The following GOLIM4 variants were observed in gnomAD, a reference collection of about 807,000 sequenced individuals.
GOLIM4 encodes 130 kDa golgi-localized phosphoprotein.
A neutral mutation model predicts 107.4 loss-of-function variants in GOLIM4; 71 were observed. The ratio of observed to expected loss-of-function variants is 0.66; its 90% CI spans 0.55 to 0.81. The LOEUF (loss-of-function observed/expected upper bound fraction) is 0.81, where lower values mean the gene tolerates loss of function less well. Ranked by LOEUF, GOLIM4 falls within the 30% of genes least tolerant of loss-of-function variation. GOLIM4 has a pLI of 0.00. For synonymous variants in GOLIM4, 327 were observed against 294.8 expected (o/e 1.11, Z -1.12); for missense variants, 830 against 826.1 (o/e 1.00, Z -0.06).
At chr3:168,056,578 G>C (rs951793190) in intron 1 of GOLIM4, among the ~76,000 whole-genome samples, 3 of 152,222 alleles carry the variant, frequency 2.0e-5, no homozygotes, top group African/African-American at 7.2e-5. Context: ...CAAAGCCAAA[G>C]GGGCGGAGCT....
chr3:168,044,295 A>G (rs1393755733), intron 4 of GOLIM4, among the ~76,000 whole-genome samples: 1 of 152,248 alleles, frequency 6.6e-6, no homozygotes, highest in East Asian at 1.9e-4. Context: ...GCATAACTGC[A>G]TGCTGCCCGT....
intron 1 of GOLIM4, among the ~76,000 whole-genome samples, chr3:168,052,147 T>G (rs146975457): frequency 2.0e-5 from 3 of 152,216 alleles, no homozygotes; most frequent in African/African-American, 7.2e-5. Context: ...AATAGATGTA[T>G]CTCTTTGGCT....
intron 14 of GOLIM4, among the ~76,000 whole-genome samples, chr3:168,016,074 C>T (rs1353076621): frequency 7.4e-6 from 1 of 134,256 alleles, no homozygotes; most frequent in Non-Finnish European, 1.5e-5. Context: ...TTCTGCACAG[C>T]AAAACAAACT....
In GOLIM4 at chr3:168,011,090, C is replaced by T. The variant is rs527598622; in HGVS notation, c.1861-267G>A. Among the ~76,000 whole-genome samples, 571 of 152,222 alleles carry T rather than the reference C, an allele frequency of 3.8e-3. 4 individuals are homozygous for T. The highest frequency in any genetic ancestry group is 6.6e-3 in the African/African-American group (275 of 41,478). On this transcript the variant is annotated intron_variant, in intron 14 of 15. Coordinates refer to ENST00000470487, the MANE Select transcript of GOLIM4 (RefSeq NM_014498.5). ...TCCGGTCTACAGCTCCCAGTGTGAGCGACGCAGAAGACAGTGATTTCTGCA... is the reference window on the plus strand; with the variant it reads ...TCCGGTCTACAGCTCCCAGTGTGAGTGACGCAGAAGACAGTGATTTCTGCA...
Position 168,029,296 on chromosome 3 carries a change from T to C in GOLIM4, c.1440A>G (p.Gln480=). Reference sequence around the variant, plus strand: ...CATTATCCATAGCATCATAATGAGCTTGCTGCCTACAAGAGACACAAACAT... The same window carrying C: ...CATTATCCATAGCATCATAATGAGCCTGCTGCCTACAAGAGACACAAACAT... ...RPQHQEQLRQ[Q]AHYDAMDNDI... is the part of the protein sequence containing the mutation. The change falls in exon 11 of 16, where the codon CAA becomes CAG. Residue 480 remains glutamine, a synonymous_variant. Coordinates refer to ENST00000470487, the MANE Select transcript of GOLIM4 (RefSeq NM_014498.5). 6.2e-7 allele frequency: 1 copy of C among 1,602,666 alleles called. No individual in the cohort carries two copies. The highest frequency in any genetic ancestry group is 1.1e-5 in the South Asian group (1 of 89,464).
At chr3:168,057,180 A>C (rs564893347) in intron 1 of GOLIM4, among the ~76,000 whole-genome samples, 39 of 152,338 alleles carry the variant, frequency 2.6e-4, no homozygotes, top group African/African-American at 8.9e-4. Flanking sequence ...GTCTGCTGCC[A>C]TGTGAGACAT....
At chr3:168,076,552 G>A (rs904297011) in intron 1 of GOLIM4, among the ~76,000 whole-genome samples, 5 of 152,102 alleles carry the variant, frequency 3.3e-5, no homozygotes, top group Non-Finnish European at 5.9e-5. Context: ...TTAGCTGGGC[G>A]TCGTGGCGCA....
intron 2 of GOLIM4, among the ~76,000 whole-genome samples, chr3:168,047,792 C>G (rs1238850394): frequency 6.6e-6 from 1 of 152,142 alleles, no homozygotes; most frequent in Non-Finnish European, 1.5e-5. Context: ...ACTGAATCAA[C>G]TGATGTGTCA....
chr3:168,043,225 T>C (rs999013743), intron 5 of GOLIM4, among the ~76,000 whole-genome samples, 154 bp downstream of exon 5: 4 of 152,130 alleles, frequency 2.6e-5, no homozygotes, highest in Admixed American at 6.5e-5. Context: ...TAGATGAAGA[T>C]ACATGTGAAA....
chr3:168,028,442 CT>C (rs980264993), intron 11 of GOLIM4, among the ~76,000 whole-genome samples: 87 of 152,232 alleles, frequency 5.7e-4, no homozygotes, highest in African/African-American at 2.1e-3. Context: ...GAACAAATCA[CT>C]TTTTAAAACA....
At chr3:168,018,379 G>A (rs1717492611) in intron 14 of GOLIM4, among the ~76,000 whole-genome samples, 1 of 152,198 alleles carries the variant, frequency 6.6e-6, no homozygotes, top group African/African-American at 2.4e-5. Context: ...CCTGTCGAGA[G>A]CCTACAAAGG....
At chr3:168,049,496 G>A (rs1253772953) in intron 1 of GOLIM4, among the ~76,000 whole-genome samples, 1 of 152,100 alleles carries the variant, frequency 6.6e-6, no homozygotes, top group East Asian at 1.9e-4. Flanking sequence ...TCTACCCTTT[G>A]AATCCTGTTT....
At chr3:168,045,400 T>C (rs1208865546) in intron 3 of GOLIM4, among the ~76,000 whole-genome samples, 1 of 152,186 alleles carries the variant, frequency 6.6e-6, no homozygotes, top group Non-Finnish European at 1.5e-5. Context: ...AGGCTCTATT[T>C]TGCAGAGTGA....
At chr3:168,092,505 C>T (rs749615748) in intron 1 of GOLIM4, among the ~76,000 whole-genome samples, 3 of 152,154 alleles carry the variant, frequency 2.0e-5, no homozygotes, top group African/African-American at 7.2e-5. Context: ...GACCTAAATA[C>T]GCTCACTTAA....
In GOLIM4 at chr3:168,010,170, T is replaced by G; in HGVS notation, c.*99A>C. On this transcript the variant is annotated 3_prime_UTR_variant, in exon 16 of 16. Coordinates refer to ENST00000470487, the MANE Select transcript of GOLIM4 (RefSeq NM_014498.5). ...GTTTTAAAAAAGTCTAAGTTCTTAA[T>G]TTTTGTAATTAAATATCCTAGAGTT... 1 of 1,084,092 alleles carries G rather than the reference T, an allele frequency of 9.2e-7. No individual in the cohort carries two copies. The highest frequency in any genetic ancestry group is 2.5e-5 in the East Asian group (1 of 39,940). The allele number at this position is 1,084,092 out of a possible 1,614,324, so 67.2% of individuals were successfully genotyped here.
chr3:168,091,658 G>A (rs1210921388), intron 1 of GOLIM4, among the ~76,000 whole-genome samples: 1 of 152,178 alleles, frequency 6.6e-6, no homozygotes, highest in Non-Finnish European at 1.5e-5. Context: ...ACCTCAAAGA[G>A]GGATTCTGAT....
chr3:168,030,854 T>G (rs1718290944), intron 9 of GOLIM4, among the ~76,000 whole-genome samples: 1 of 152,196 alleles, frequency 6.6e-6, no homozygotes, highest in South Asian at 2.1e-4. Context: ...GCTATCCTAT[T>G]ACTGGGCACA....
chr3:168,081,635 C>G (rs563133041), intron 1 of GOLIM4, among the ~76,000 whole-genome samples: 58 of 152,286 alleles, frequency 3.8e-4, no homozygotes, highest in Non-Finnish European at 7.1e-4. Flanking sequence ...ACATGTGTCA[C>G]TGTCTTGCTG....
At chr3:168,015,127 A>G (rs1451389256) in intron 14 of GOLIM4, among the ~76,000 whole-genome samples, 4,167 of 149,842 alleles carry the variant, frequency 0.028, 196 homozygotes, top group African/African-American at 0.099. Flanking sequence ...ACATGATTGT[A>G]TATCTAGAAA....
Sources: gnomAD v4.1 joint callset for allele counts (sites outside exome capture counted in the v4.1 genomes callset) on GRCh38, gnomAD v4.1.1 for gene constraint, MANE v1.5 for transcripts, NCBI Gene and HGNC (gene_info 2026-07-23, HGNC 2026-07-21) for gene names.